Variants in RAB2A observed in about 807,000 individuals in gnomAD.
RAB2A encodes the protein ras-related protein Rab-2A.
In RAB2A, 7 loss-of-function variants were observed where a neutral mutation model predicts 32.5. The observed-to-expected ratio is 0.22, with a 90% confidence interval of 0.12 to 0.40. The LOEUF (loss-of-function observed/expected upper bound fraction) is 0.40, where lower values mean the gene tolerates loss of function less well. RAB2A is among the 10% of genes least tolerant of loss of function. RAB2A has a pLI of 1.00. For missense variants in RAB2A, 108 were observed against 260.7 expected (o/e 0.41, Z 4.03); for synonymous variants, 79 against 85.2 (o/e 0.93, Z 0.40).
Position 60,620,732 on chromosome 8 carries a change from A to G in RAB2A, c.602A>G (p.Asn201Ser), listed in dbSNP as rs1217840448. The G allele has an allele frequency of 1.9e-6, 3 of 1,613,784 alleles. No individual in the cohort carries two copies. Among genetic ancestry groups the G allele is most frequent in the East Asian group, 2.2e-5 (1 of 44,874 alleles). The change falls in exon 8 of 8, where the codon AAT becomes AGT. Residue 201 changes from asparagine (N) to serine (S), a missense_variant. Asn to Ser is a conservative substitution (Grantham distance 46). Around this residue, in one of 4 missense-constraint regions of RAB2A, gnomAD observed 24 missense variants for 23.2 expected, o/e 1.04. Coordinates refer to ENST00000262646, the MANE Select transcript of RAB2A (RefSeq NM_002865.3). Reference protein sequence around the residue: ...HAATNATHAGNQGGQQAGGGC... With the variant: ...HAATNATHAGSQGGQQAGGGC... ...GCTACCAATGCAACACATGCAGGCA[A>G]TCAGGGAGGACAGCAGGCTGGGGGC... is the stretch of plus-strand genomic sequence containing the variant.
At chr8:60,587,461 T>G (rs1408016299) in intron 5 of RAB2A, among the ~76,000 whole-genome samples, 1 of 152,120 alleles carries the variant, frequency 6.6e-6, no homozygotes, top group African/African-American at 2.4e-5. Context: ...ATTTCTTAAA[T>G]GGGACAGAGA....
At position 60,584,289 on chromosome 8, in the gene RAB2A, C is replaced by T; in HGVS notation, c.268C>T (p.Arg90Trp). The T allele has an allele frequency of 6.3e-7, 1 of 1,589,364 alleles. No homozygotes were observed. The highest frequency in any genetic ancestry group is 8.6e-7 in the Non-Finnish European group (1 of 1,157,720). Residue 90 changes from arginine (R) to tryptophan (W), a missense_variant and splice_region_variant, in exon 4 of 8, where the codon CGG becomes TGG. This residue lies in a region of RAB2A where 79 missense variants were observed against 199.8 expected (regional missense o/e 0.40). Coordinates refer to ENST00000262646, the MANE Select transcript of RAB2A (RefSeq NM_002865.3). ...AGALLVYDITRRDTFNHLTTW... is the reference protein window; with the variant it reads ...AGALLVYDITWRDTFNHLTTW... ...AGCTTTACTAGTTTACGATATTACACGGTGAGAACTTGAAAACTTTGCAAT... is the reference window on the plus strand; with the variant it reads ...AGCTTTACTAGTTTACGATATTACATGGTGAGAACTTGAAAACTTTGCAAT...
chr8:60,583,691 TG>T (rs1253082865), intron 3 of RAB2A, among the ~76,000 whole-genome samples: 1 of 152,204 alleles, frequency 6.6e-6, no homozygotes, highest in Admixed American at 6.5e-5. Flanking sequence ...TCTGCATCCT[TG>T]GCCTTCCAAC....
chr8:60,535,297 T>C (rs987935977), intron 1 of RAB2A, among the ~76,000 whole-genome samples: 7 of 152,212 alleles, frequency 4.6e-5, no homozygotes, highest in African/African-American at 1.7e-4. Context: ...ACTGCTTACA[T>C]AGCATTGATG....
At chr8:60,548,997 G>A (rs1473416968) in intron 1 of RAB2A, among the ~76,000 whole-genome samples, 5 of 145,544 alleles carry the variant, frequency 3.4e-5, no homozygotes, top group Admixed American at 6.8e-5. Context: ...CTCACATCCC[G>A]GACGGGGCGG....
At chr8:60,537,116 TA>T (rs1807569253) in intron 1 of RAB2A, among the ~76,000 whole-genome samples, 1 of 152,238 alleles carries the variant, frequency 6.6e-6, no homozygotes, top group Non-Finnish European at 1.5e-5. Context: ...AGCCACAGTA[TA>T]AGGTATATTT....
At chr8:60,568,727 T>C (rs2130837784) in intron 2 of RAB2A, among the ~76,000 whole-genome samples, 1 of 152,306 alleles carries the variant, frequency 6.6e-6, no homozygotes, top group Admixed American at 6.5e-5. Flanking sequence ...ATAACATATC[T>C]GAGAAAATAA....
chr8:60,551,805 G>T (rs1807851319), intron 1 of RAB2A, among the ~76,000 whole-genome samples: 1 of 149,914 alleles, frequency 6.7e-6, no homozygotes, highest in African/African-American at 2.5e-5. Flanking sequence ...GCAATCCTCT[G>T]TCCTTAGCCT....
chr8:60,611,103 T>G (rs1017550117), intron 6 of RAB2A, among the ~76,000 whole-genome samples: 8 of 152,256 alleles, frequency 5.3e-5, no homozygotes, highest in African/African-American at 1.9e-4. Flanking sequence ...GATATTAGGT[T>G]TGAGCTTTGC....
chr8:60,594,178 G>A (rs1803986828), intron 6 of RAB2A, among the ~76,000 whole-genome samples: 1 of 152,068 alleles, frequency 6.6e-6, no homozygotes, highest in Admixed American at 6.5e-5. Context: ...AGTCCTAGAA[G>A]GAGAGGAAAA....
intron 1 of RAB2A, among the ~76,000 whole-genome samples, chr8:60,524,790 T>C (rs887241761): frequency 4.6e-5 from 7 of 152,238 alleles, no homozygotes; most frequent in African/African-American, 1.7e-4. Flanking sequence ...ATTCCACTGC[T>C]GGTAAGCCAT....
intron 3 of RAB2A, among the ~76,000 whole-genome samples, chr8:60,576,687 A>G (rs890000927): frequency 6.6e-6 from 1 of 152,184 alleles, no homozygotes; most frequent in Non-Finnish European, 1.5e-5. Flanking sequence ...TTTTGTTTCA[A>G]TGCATCAGTA....
chr8:60,605,829 A>AT (rs1407616935), intron 6 of RAB2A, among the ~76,000 whole-genome samples: 82 of 77,334 alleles, frequency 1.1e-3, no homozygotes, highest in African/African-American at 5.5e-3. Flanking sequence ...AAAGGGACTA[A>AT]TACATATATA....
intron 1 of RAB2A, among the ~76,000 whole-genome samples, chr8:60,541,801 C>T (rs1465939482): frequency 1.3e-5 from 2 of 152,182 alleles, no homozygotes; most frequent in East Asian, 1.9e-4. Flanking sequence ...CCTACTTCAT[C>T]TAGTGGTTGA....
chr8:60,553,065 T>C (rs1242447370), intron 1 of RAB2A: 1 of 152,180 alleles, frequency 6.6e-6, no homozygotes, highest in Non-Finnish European at 1.5e-5. Context: ...TGAGATTCAG[T>C]ATCTGGGATA....
chr8:60,568,161 A>T (rs973337037), intron 2 of RAB2A, among the ~76,000 whole-genome samples: 3 of 152,330 alleles, frequency 2.0e-5, no homozygotes, highest in African/African-American at 7.2e-5. Flanking sequence ...CATGCTGGTA[A>T]GGAAGGCTGT....
At chr8:60,613,652 G>T (rs936893706) in intron 6 of RAB2A, among the ~76,000 whole-genome samples, 3 of 152,026 alleles carry the variant, frequency 2.0e-5, no homozygotes, top group African/African-American at 7.3e-5. Context: ...TCATTTTAAA[G>T]GTCTAACTTC....
chr8:60,592,137 C>T (rs1049506722), intron 6 of RAB2A, 168 bp downstream of exon 6: 2 of 428,182 alleles, frequency 4.7e-6, no homozygotes, highest in Admixed American at 7.7e-5. Flanking sequence ...TTCTGTCAGA[C>T]TCTTAAATCA....
intron 1 of RAB2A, among the ~76,000 whole-genome samples, chr8:60,539,148 G>T (rs2130815651): frequency 6.6e-6 from 1 of 152,296 alleles, no homozygotes; most frequent in South Asian, 2.1e-4. Flanking sequence ...CTGCTTTTAA[G>T]CCAGTCCACT....
Sources: gnomAD v4.1 joint callset for allele counts (sites outside exome capture counted in the v4.1 genomes callset) on GRCh38, gnomAD v4.1.1 for gene constraint, gnomAD v4.1.1 regional missense constraint, MANE v1.5 for transcripts, NCBI Gene and HGNC (gene_info 2026-07-23, HGNC 2026-07-21) for gene names.